Variants in CNBD1 observed in about 807,000 individuals in gnomAD.
CNBD1 encodes the protein cyclic nucleotide-binding domain-containing protein 1.
CNBD1 carries 71 observed loss-of-function variants against 54.4 expected under a neutral mutation model. The observed-to-expected ratio is 1.30, with a 90% CI of 1.08 to 1.59. The LOEUF is 1.59. Among genes scored for constraint, CNBD1 ranks in the 40% most tolerant of loss-of-function variants. CNBD1 has a pLI of 0.00. For missense variants in CNBD1, 659 were observed against 518.0 expected (o/e 1.27, Z -2.64); for synonymous variants, 182 against 170.7 (o/e 1.07, Z -0.51).
rs544268009 is a variant in CNBD1, at chr8:87,275,280, C to A, written c.772-9398C>A. Among the ~76,000 whole-genome samples the A allele has an allele frequency of 3.7e-5, 5 of 136,780 alleles. No homozygotes were observed. The East Asian group carries it at 8.0e-4, about 22-fold the overall frequency. The allele number at this position is 136,780 out of a possible 152,430, so 89.7% of individuals were successfully genotyped here. A position where few individuals can be genotyped will look rare whatever the true frequency, so the allele number is the denominator to read the frequency against. On this transcript the variant is annotated intron_variant, in intron 6 of 10. Transcript: ENST00000518476. ...GGGCTCTTTTTTGGTTCCATATGAA[C>A]TTTAAAGTAGTTTTTTTCCAATTCT...
At chr8:87,224,587 G>A (rs1292839558) in intron 5 of CNBD1, among the ~76,000 whole-genome samples, 4 of 151,508 alleles carry the variant, frequency 2.6e-5, no homozygotes, top group Non-Finnish European at 5.9e-5. Flanking sequence ...GCTCTGTTCT[G>A]TTCCATTGAT....
intron 8 of CNBD1, among the ~76,000 whole-genome samples, chr8:87,314,532 G>A (rs1286305188): frequency 6.6e-6 from 1 of 151,798 alleles, no homozygotes; most frequent in East Asian, 1.9e-4. Flanking sequence ...CAGAACCATT[G>A]CCATGAAAGT....
intron 8 of CNBD1, among the ~76,000 whole-genome samples, chr8:87,289,997 AT>A (rs1337091045): frequency 2.6e-5 from 4 of 152,002 alleles, no homozygotes; most frequent in African/African-American, 9.7e-5. Flanking sequence ...TAGCATATTA[AT>A]TCTTTTAATA....
At chr8:87,159,373 G>A (rs1310434695) in intron 4 of CNBD1, among the ~76,000 whole-genome samples, 4 of 152,070 alleles carry the variant, frequency 2.6e-5, no homozygotes, top group Non-Finnish European at 5.9e-5. Context: ...GGCTGATTCA[G>A]ATATTCTTCT....
chr8:87,246,334 A>G (rs1327617627), intron 6 of CNBD1, among the ~76,000 whole-genome samples: 1 of 152,208 alleles, frequency 6.6e-6, no homozygotes. Context: ...GCAAAACCCC[A>G]AATGGATGAT....
chr8:86,942,307 C>G (rs1421198195), intron 4 of CNBD1, among the ~76,000 whole-genome samples: 1 of 152,164 alleles, frequency 6.6e-6, no homozygotes. Context: ...AATTAATTAA[C>G]ATAAACTTAG....
chr8:87,327,315 G>T (rs922880177), intron 8 of CNBD1, among the ~76,000 whole-genome samples: 1 of 150,076 alleles, frequency 6.7e-6, no homozygotes, highest in African/African-American at 2.5e-5. Flanking sequence ...GCCTCCTTGA[G>T]CTGTGGTGGG....
chr8:87,303,240 T>A (rs1328422420), intron 8 of CNBD1, among the ~76,000 whole-genome samples: 1 of 151,020 alleles, frequency 6.6e-6, no homozygotes. Flanking sequence ...CAAACTATAC[T>A]ACAAGGCTAC....
chr8:87,360,565 G>A (rs1810505807), intron 10 of CNBD1, among the ~76,000 whole-genome samples: 1 of 151,776 alleles, frequency 6.6e-6, no homozygotes, highest in Non-Finnish European at 1.5e-5. Flanking sequence ...TTAAGGTAAA[G>A]ATAATTGCAA....
intron 4 of CNBD1, among the ~76,000 whole-genome samples, chr8:86,986,149 C>T (rs924551061): frequency 1.6e-4 from 24 of 152,020 alleles, no homozygotes; most frequent in African/African-American, 5.6e-4. Context: ...AGCCTGGTCT[C>T]GAACTCCTGA....
intron 4 of CNBD1, among the ~76,000 whole-genome samples, chr8:87,040,070 TG>T (rs36118681): frequency 0.25 from 37,882 of 152,066 alleles, 5,490 homozygotes; most frequent in Admixed American, 0.37. Context: ...AGGAGCAATT[TG>T]GGGAAGGTCA....
intron 8 of CNBD1, among the ~76,000 whole-genome samples, chr8:87,306,627 T>C (rs886174409): frequency 9.9e-5 from 15 of 152,166 alleles, no homozygotes; most frequent in African/African-American, 3.4e-4. Context: ...CTGGATGAGA[T>C]TGAAGACTAT....
intron 10 of CNBD1, among the ~76,000 whole-genome samples, chr8:87,369,656 A>G (rs191594464): frequency 2.3e-4 from 35 of 151,852 alleles, no homozygotes; most frequent in African/African-American, 3.9e-4. Flanking sequence ...ATAGTTTCCA[A>G]TGAGAAGTTG....
At chr8:87,203,373 C>A (rs1453601748) in intron 4 of CNBD1, among the ~76,000 whole-genome samples, 1 of 151,950 alleles carries the variant, frequency 6.6e-6, no homozygotes, top group Non-Finnish European at 1.5e-5. Context: ...ATTTTTGTAC[C>A]TAACAAATGC....
chr8:87,131,676 G>C (rs1490726660), intron 4 of CNBD1, among the ~76,000 whole-genome samples: 1 of 151,490 alleles, frequency 6.6e-6, no homozygotes, highest in African/African-American at 2.4e-5. Flanking sequence ...ACATCTTTTT[G>C]ATCCATAGAT....
chr8:87,079,493 C>G (rs1324887918), intron 4 of CNBD1, among the ~76,000 whole-genome samples: 2 of 152,016 alleles, frequency 1.3e-5, no homozygotes, highest in African/African-American at 4.8e-5. Context: ...TATTGTCAGT[C>G]TTTTTAATAT....
intron 4 of CNBD1, among the ~76,000 whole-genome samples, chr8:86,980,780 G>A (rs1808469676): frequency 1.3e-5 from 2 of 152,152 alleles, no homozygotes; most frequent in African/African-American, 4.8e-5. Flanking sequence ...ATGTAATTAG[G>A]TAGACATTAT....
chr8:86,874,986 T>TTATATATATATATATATATATATA (rs10584669), intron 1 of CNBD1, among the ~76,000 whole-genome samples: 12 of 120,116 alleles, frequency 1.0e-4, no homozygotes, highest in Non-Finnish European at 1.7e-4. Flanking sequence ...GTAAATCAAT[T>TTATATATATATATATATATATATA]TATATATATA....
chr8:87,367,002 C>A (rs1810655047), intron 10 of CNBD1, among the ~76,000 whole-genome samples: 1 of 151,978 alleles, frequency 6.6e-6, no homozygotes. Flanking sequence ...AGTACATTTT[C>A]CTCCCTGGGA....
Sources: allele counts gnomAD v4.1 joint callset (sites outside exome capture counted in the v4.1 genomes callset), GRCh38; gene constraint gnomAD v4.1.1; transcripts MANE v1.5; gene names NCBI Gene and HGNC (gene_info 2026-07-23, HGNC 2026-07-21).